The following ATRNL1 variants were observed in gnomAD, a reference collection of about 807,000 sequenced individuals.
The protein encoded by ATRNL1 is attractin like 1.
Under a neutral mutation model 182.7 loss-of-function variants are expected in ATRNL1, and 95 were observed. That is an observed-to-expected ratio of 0.52 (90% CI 0.44 to 0.62). The LOEUF (loss-of-function observed/expected upper bound fraction) is 0.62, where lower values mean the gene tolerates loss of function less well. ATRNL1 is among the 20% of genes least tolerant of loss of function. ATRNL1 has a pLI of 0.00. For missense variants in ATRNL1, 1,471 were observed against 1,679.5 expected, an observed-to-expected ratio of 0.88 and a Z score of 2.17; for synonymous variants, 576 against 568.3, an observed-to-expected ratio of 1.01 and a Z score of -0.19.
intron 1 of ATRNL1, among the ~76,000 whole-genome samples, chr10:115,094,941 C>T (rs2084974183): frequency 6.6e-6 from 1 of 152,180 alleles, no homozygotes. Flanking sequence ...TCACTGTCAG[C>T]TTTTGTGCGG....
chr10:115,096,385 T>C (rs2085011328), intron 1 of ATRNL1, among the ~76,000 whole-genome samples: 1 of 152,184 alleles, frequency 6.6e-6, no homozygotes, highest in Non-Finnish European at 1.5e-5. Flanking sequence ...GAATTCTTCT[T>C]GGTAAAGTAC....
chr10:115,171,776 T>TGTGAAG (rs1564795482), intron 8 of ATRNL1, among the ~76,000 whole-genome samples: 2 of 152,188 alleles, frequency 1.3e-5, no homozygotes, highest in South Asian at 4.1e-4. Flanking sequence ...TTATCTGTTA[T>TGTGAAG]GTGAAGGTGA....
chr10:115,775,307 C>G (rs1555077590), intron 27 of ATRNL1, among the ~76,000 whole-genome samples: 1 of 152,090 alleles, frequency 6.6e-6, no homozygotes, highest in East Asian at 1.9e-4. Context: ...TAGTATTATT[C>G]TTTCATCTTA....
chr10:115,449,833 G>C (rs1847199049), intron 21 of ATRNL1, among the ~76,000 whole-genome samples: 1 of 152,072 alleles, frequency 6.6e-6, no homozygotes, highest in African/African-American at 2.4e-5. Flanking sequence ...ACCTGGCAGA[G>C]ACACAACAAA....
intron 26 of ATRNL1, among the ~76,000 whole-genome samples, chr10:115,650,463 T>G (rs1859914567): frequency 6.6e-6 from 1 of 152,098 alleles, no homozygotes; most frequent in Non-Finnish European, 1.5e-5. Flanking sequence ...ATATAATTAT[T>G]AATGATTATG....
chr10:115,931,496 C>T (rs1252610794), intron 28 of ATRNL1, among the ~76,000 whole-genome samples: 2 of 152,142 alleles, frequency 1.3e-5, no homozygotes, highest in African/African-American at 2.4e-5. Context: ...GCCCAGACCT[C>T]AGAGGAAGAT....
intron 19 of ATRNL1, among the ~76,000 whole-genome samples, chr10:115,381,682 T>C (rs1332196653): frequency 6.6e-6 from 1 of 152,028 alleles, no homozygotes; most frequent in Non-Finnish European, 1.5e-5. Flanking sequence ...TTTTTGATGG[T>C]ATCATTTGTA....
At chr10:115,793,051 T>C (rs1949567623) in intron 27 of ATRNL1, among the ~76,000 whole-genome samples, 1 of 152,026 alleles carries the variant, frequency 6.6e-6, no homozygotes, top group South Asian at 2.1e-4. Context: ...AAGGAGATGC[T>C]TTAAAGAAGA....
At chr10:115,427,098 T>C (rs1238594535) in intron 21 of ATRNL1, among the ~76,000 whole-genome samples, 1 of 152,198 alleles carries the variant, frequency 6.6e-6, no homozygotes, top group Non-Finnish European at 1.5e-5. Context: ...CCACCAGCAG[T>C]GTATGAGAGT....
At chr10:115,558,888 A>G (rs7476255) in intron 26 of ATRNL1, among the ~76,000 whole-genome samples, 36 of 151,936 alleles carry the variant, frequency 2.4e-4, no homozygotes, top group Non-Finnish European at 4.4e-4. Flanking sequence ...GCTCACTGTG[A>G]CTAGCACTTC....
chr10:115,399,408 A>T (rs900114778), intron 20 of ATRNL1, among the ~76,000 whole-genome samples: 8 of 152,018 alleles, frequency 5.3e-5, no homozygotes, highest in African/African-American at 1.9e-4. Flanking sequence ...GGGAGGGTTT[A>T]TGCGTCCAGA....
intron 26 of ATRNL1, among the ~76,000 whole-genome samples, chr10:115,583,022 TTTTTC>T (rs1855235276): frequency 1.4e-5 from 2 of 147,324 alleles, no homozygotes; most frequent in African/African-American, 4.9e-5. Flanking sequence ...CCATTGCTCG[TTTTTC>T]TCAGGTTTGT....
chr10:115,200,245 A>G (rs1248062875), intron 8 of ATRNL1, among the ~76,000 whole-genome samples: 1 of 149,594 alleles, frequency 6.7e-6, no homozygotes, highest in African/African-American at 2.5e-5. Flanking sequence ...TTTTAATTAT[A>G]CTTTAAGTTT....
Position 115,340,566 on chromosome 10 carries a change from TCTC to T in ATRNL1, c.3175+6151_3175+6153del, listed in dbSNP as rs1243827934. Among the ~76,000 whole-genome samples, 10 of 151,284 alleles carry T rather than the reference TCTC, an allele frequency of 6.6e-5. No homozygotes were observed. In the South Asian group the frequency reaches 2.1e-3, roughly 32 times the overall value. ...TAGAATGAGTTTGGAAGTATTTCCT[TCTC>T]CTCTATTTTTCAGAATAGTTTGAGT... On this transcript the variant is annotated intron_variant, in intron 19 of 28. Coordinates refer to ENST00000355044, the MANE Select transcript of ATRNL1 (RefSeq NM_207303.4).
At chr10:115,400,451 ATGAGATCCATT>A (rs1844512095) in intron 20 of ATRNL1, among the ~76,000 whole-genome samples, 1 of 152,086 alleles carries the variant, frequency 6.6e-6, no homozygotes, top group South Asian at 2.1e-4. Context: ...GCCTGTATCT[ATGAGATCCATT>A]TGATCCAGTG....
intron 25 of ATRNL1, among the ~76,000 whole-genome samples, chr10:115,535,147 G>A (rs1416675452): frequency 2.6e-5 from 4 of 151,504 alleles, no homozygotes; most frequent in Non-Finnish European, 5.9e-5. Context: ...GAATCTGAAT[G>A]TTGGCCTGCC....
At chr10:115,422,176 A>G (rs1845679371) in intron 20 of ATRNL1, among the ~76,000 whole-genome samples, 1 of 152,168 alleles carries the variant, frequency 6.6e-6, no homozygotes, top group Non-Finnish European at 1.5e-5. Flanking sequence ...TGCAACAACA[A>G]AGAAAATTGA....
chr10:115,363,767 A>C (rs1856874787), intron 19 of ATRNL1, among the ~76,000 whole-genome samples: 1 of 149,824 alleles, frequency 6.7e-6, no homozygotes, highest in African/African-American at 2.4e-5. Context: ...ACCATTTAGT[A>C]AATAGGGAAT....
intron 28 of ATRNL1, among the ~76,000 whole-genome samples, chr10:115,926,466 T>C (rs1239422843): frequency 6.6e-6 from 1 of 151,928 alleles, no homozygotes; most frequent in Non-Finnish European, 1.5e-5. Context: ...AATCAATGAA[T>C]CTAGGTGCTG....
Sources: allele counts gnomAD v4.1 joint callset (sites outside exome capture counted in the v4.1 genomes callset), GRCh38; gene constraint gnomAD v4.1.1; transcripts MANE v1.5; gene names NCBI Gene and HGNC (gene_info 2026-07-23, HGNC 2026-07-21).